Variants in GPC5 observed in about 807,000 individuals in gnomAD.
GPC5 encodes glypican-5.
Under a neutral mutation model 53.9 loss-of-function variants are expected in GPC5, and 47 were observed. The observed-to-expected ratio is 0.87, with a 90% CI of 0.69 to 1.11. The LOEUF (loss-of-function observed/expected upper bound fraction) is 1.11, where lower values mean the gene tolerates loss of function less well. Among genes scored for constraint, GPC5 ranks in the 50% most tolerant of loss-of-function variants. The pLI, the probability that GPC5 is intolerant of heterozygous loss-of-function variation, is 0.00. For synonymous variants in GPC5, 286 were observed against 263.3 expected (o/e 1.09, Z -0.84); for missense variants, 748 against 713.1 (o/e 1.05, Z -0.56).
chr13:92,448,215 A>G (rs1350660909), intron 7 of GPC5: 1 of 152,160 alleles, frequency 6.6e-6, no homozygotes, highest in East Asian at 1.9e-4. Flanking sequence ...AATTTATTCT[A>G]TAACAGTTTT....
At chr13:92,761,945 A>C (rs919804756) in intron 7 of GPC5, among the ~76,000 whole-genome samples, 1 of 152,200 alleles carries the variant, frequency 6.6e-6, no homozygotes, top group Non-Finnish European at 1.5e-5. Flanking sequence ...TGTCCTTCAG[A>C]AATAAAAGAG....
chr13:91,978,586 G>C (rs1042068043), intron 6 of GPC5, among the ~76,000 whole-genome samples: 2 of 152,194 alleles, frequency 1.3e-5, no homozygotes, highest in African/African-American at 4.8e-5. Context: ...CATTTGATTT[G>C]TTACCATGAG....
intron 7 of GPC5, among the ~76,000 whole-genome samples, chr13:92,676,384 T>G (rs1331205232): frequency 6.6e-6 from 1 of 152,196 alleles, no homozygotes; most frequent in Non-Finnish European, 1.5e-5. Flanking sequence ...ATATCTCTAC[T>G]GTGATTTTTT....
intron 7 of GPC5, among the ~76,000 whole-genome samples, chr13:92,461,203 A>G (rs1033480162): frequency 1.3e-5 from 2 of 152,200 alleles, no homozygotes; most frequent in African/African-American, 4.8e-5. Context: ...ACAAAAAGGA[A>G]AATTGGATAA....
At chr13:91,652,595 A>T (rs937113885) in intron 2 of GPC5, among the ~76,000 whole-genome samples, 1 of 152,160 alleles carries the variant, frequency 6.6e-6, no homozygotes, top group African/African-American at 2.4e-5. Flanking sequence ...GGGATGATTC[A>T]TGCCTTGGGA....
chr13:91,950,532 T>C (rs2040017713), intron 6 of GPC5, among the ~76,000 whole-genome samples: 1 of 152,154 alleles, frequency 6.6e-6, no homozygotes, highest in Non-Finnish European at 1.5e-5. Context: ...ATCTACAAAT[T>C]ACTCATTGTG....
At chr13:92,423,703 C>T (rs1252527197) in intron 7 of GPC5, among the ~76,000 whole-genome samples, 1 of 152,150 alleles carries the variant, frequency 6.6e-6, no homozygotes, top group Non-Finnish European at 1.5e-5. Flanking sequence ...TACTTAGCAA[C>T]TTCACTTTGA....
intron 7 of GPC5, among the ~76,000 whole-genome samples, chr13:92,187,340 T>C (rs767791776): frequency 2.0e-5 from 3 of 152,188 alleles, no homozygotes; most frequent in Non-Finnish European, 4.4e-5. Context: ...ACATATGAAA[T>C]TGTTAAGGCA....
chr13:92,487,968 G>C (rs1213598678), intron 7 of GPC5, among the ~76,000 whole-genome samples: 1 of 152,034 alleles, frequency 6.6e-6, no homozygotes, highest in Non-Finnish European at 1.5e-5. Context: ...GAGGATGGAT[G>C]AATTTCTGTT....
intron 7 of GPC5, among the ~76,000 whole-genome samples, chr13:92,827,584 A>G (rs1877896401): frequency 6.6e-6 from 1 of 152,232 alleles, no homozygotes; most frequent in South Asian, 2.1e-4. Context: ...TCCATTTGCA[A>G]TTTGGGATCC....
chr13:92,222,229 G>A (rs761255040), intron 7 of GPC5, among the ~76,000 whole-genome samples: 28 of 152,210 alleles, frequency 1.8e-4, no homozygotes, highest in African/African-American at 2.9e-4. Context: ...GACTATTGTC[G>A]TCACTGAACC....
intron 7 of GPC5, among the ~76,000 whole-genome samples, chr13:92,384,782 T>C (rs1176212587): frequency 1.3e-5 from 2 of 152,176 alleles, no homozygotes; most frequent in Non-Finnish European, 2.9e-5. Flanking sequence ...TGTTGTCTTC[T>C]TTCACCCGTG....
intron 5 of GPC5, among the ~76,000 whole-genome samples, chr13:91,866,467 A>C (rs1383323151): frequency 2.6e-5 from 4 of 152,056 alleles, no homozygotes; most frequent in Admixed American, 2.6e-4. Flanking sequence ...GTAATGGGTG[A>C]GTTCTCGCTC....
At chr13:91,513,468 C>T (rs575402944) in intron 2 of GPC5, among the ~76,000 whole-genome samples, 16 of 152,098 alleles carry the variant, frequency 1.1e-4, no homozygotes, top group African/African-American at 2.9e-4. Context: ...GGGCTGGGCG[C>T]GGTGGCTCAT....
intron 3 of GPC5, among the ~76,000 whole-genome samples, chr13:91,708,688 T>C (rs1261463234): frequency 1.3e-5 from 2 of 152,148 alleles, no homozygotes; most frequent in African/African-American, 2.4e-5. Flanking sequence ...CTGTGAACTA[T>C]ATAACAATAA....
chr13:92,428,266 G>A (rs1876926851), intron 7 of GPC5, among the ~76,000 whole-genome samples: 1 of 152,056 alleles, frequency 6.6e-6, no homozygotes. Context: ...TGGTTGAGTT[G>A]AGCCACATCT....
At chr13:92,168,612 C>A (rs557157499) in intron 7 of GPC5, among the ~76,000 whole-genome samples, 1 of 151,968 alleles carries the variant, frequency 6.6e-6, no homozygotes, top group South Asian at 2.1e-4. Flanking sequence ...TAGAGAAATC[C>A]AAATCAAAAC....
At chr13:92,852,101 A>G (rs1468923824) in intron 7 of GPC5, among the ~76,000 whole-genome samples, 1 of 152,206 alleles carries the variant, frequency 6.6e-6, no homozygotes, top group African/African-American at 2.4e-5. Flanking sequence ...AGGGCACTCA[A>G]CCTGTATGCA....
intron 7 of GPC5, among the ~76,000 whole-genome samples, chr13:92,301,239 A>G (rs2043073202): frequency 6.6e-6 from 1 of 152,190 alleles, no homozygotes; most frequent in African/African-American, 2.4e-5. Flanking sequence ...AGATCATATA[A>G]TGGTCTTCCA....
Sources: allele counts gnomAD v4.1 joint callset (sites outside exome capture counted in the v4.1 genomes callset), GRCh38; gene constraint gnomAD v4.1.1; transcripts MANE v1.5; gene names NCBI Gene and HGNC (gene_info 2026-07-23, HGNC 2026-07-21).